The following CNTNAP4 variants were observed in gnomAD, a reference collection of about 807,000 sequenced individuals.
CNTNAP4 encodes contactin associated protein family member 4, also known as contactin-associated protein-like 4.
Under a neutral mutation model 148.4 loss-of-function variants are expected in CNTNAP4, and 98 were observed. The observed-to-expected ratio is 0.66, with a 90% CI of 0.56 to 0.78. CNTNAP4 has a LOEUF of 0.78. Among genes scored for constraint, CNTNAP4 ranks in the 30% least tolerant of loss-of-function variants. The pLI is 0.00. For missense variants in CNTNAP4, 1,935 were observed against 1,565.6 expected, an observed-to-expected ratio of 1.24 and a Z score of -3.98; for synonymous variants, 730 against 565.1, an observed-to-expected ratio of 1.29 and a Z score of -4.14.
chr16:76,515,976 C>G (rs2083232671), intron 15 of CNTNAP4, among the ~76,000 whole-genome samples: 1 of 152,104 alleles, frequency 6.6e-6, no homozygotes, highest in Admixed American at 6.5e-5. Context: ...GCAGAATGTG[C>G]AGATTTGTCA....
At chr16:76,392,708 G>A (rs188310953) in intron 3 of CNTNAP4, among the ~76,000 whole-genome samples, 21 of 152,196 alleles carry the variant, frequency 1.4e-4, no homozygotes, top group Non-Finnish European at 2.6e-4. Context: ...TTCTTGGAGT[G>A]TTGAGTCTTT....
intron 4 of CNTNAP4, among the ~76,000 whole-genome samples, chr16:76,444,666 G>T (rs1276285011): frequency 2.0e-5 from 3 of 151,994 alleles, no homozygotes; most frequent in Admixed American, 2.0e-4. Context: ...TATCAAATGG[G>T]TGCAAATAAC....
intron 3 of CNTNAP4, among the ~76,000 whole-genome samples, chr16:76,399,652 T>C (rs1388100979): frequency 6.6e-6 from 1 of 152,194 alleles, no homozygotes; most frequent in African/African-American, 2.4e-5. Context: ...GCATTTCCTT[T>C]TTCGTTTATA....
At chr16:76,492,671 T>G (rs1166310655) in intron 13 of CNTNAP4, among the ~76,000 whole-genome samples, 1 of 152,212 alleles carries the variant, frequency 6.6e-6, no homozygotes, top group Non-Finnish European at 1.5e-5. Flanking sequence ...TGGCAGTGAA[T>G]AAGTCTCATG....
intron 4 of CNTNAP4, among the ~76,000 whole-genome samples, chr16:76,438,354 G>C (rs2079911644): frequency 1.3e-5 from 2 of 152,038 alleles, no homozygotes; most frequent in South Asian, 2.1e-4. Context: ...GGCTGGAAGG[G>C]GACCACCTTT....
chr16:76,433,142 C>G (rs952277690), intron 4 of CNTNAP4, among the ~76,000 whole-genome samples: 1 of 152,032 alleles, frequency 6.6e-6, no homozygotes, highest in African/African-American at 2.4e-5. Flanking sequence ...ACCAGACATT[C>G]TTTTTTTGTT....
At chr16:76,384,976 C>T (rs377182037) in intron 3 of CNTNAP4, among the ~76,000 whole-genome samples, 16 of 152,102 alleles carry the variant, frequency 1.1e-4, no homozygotes, top group African/African-American at 3.1e-4. Context: ...AGCATTCAAC[C>T]GGTTGCAACA....
At chr16:76,478,157 A>T (rs925109876) in intron 11 of CNTNAP4, among the ~76,000 whole-genome samples, 4 of 152,184 alleles carry the variant, frequency 2.6e-5, no homozygotes, top group African/African-American at 9.7e-5. Context: ...TGTTATAAAA[A>T]GTCAAGCCAT....
chr16:76,463,651 C>T (rs1181460296), intron 9 of CNTNAP4, among the ~76,000 whole-genome samples: 2 of 152,044 alleles, frequency 1.3e-5, no homozygotes, highest in African/African-American at 4.8e-5. Flanking sequence ...TCACACCTTA[C>T]ATAATATACA....
chr16:76,471,154 C>A (rs1016091377), intron 10 of CNTNAP4, among the ~76,000 whole-genome samples: 6 of 151,966 alleles, frequency 3.9e-5, no homozygotes, highest in African/African-American at 1.4e-4. Context: ...TCCCCTTGTC[C>A]TCTGTGGACA....
At chr16:76,542,305 A>G (rs1375619551) in intron 21 of CNTNAP4, among the ~76,000 whole-genome samples, 1 of 152,216 alleles carries the variant, frequency 6.6e-6, no homozygotes, top group Non-Finnish European at 1.5e-5. Context: ...GTATGTAACT[A>G]TCTAGCTCTG....
At chr16:76,409,736 G>C (rs2078725322) in intron 3 of CNTNAP4, among the ~76,000 whole-genome samples, 1 of 151,890 alleles carries the variant, frequency 6.6e-6, no homozygotes, top group Non-Finnish European at 1.5e-5. Context: ...TTCCCAAATG[G>C]AATTGTCACT....
intron 3 of CNTNAP4, among the ~76,000 whole-genome samples, chr16:76,409,187 A>G (rs1445073513): frequency 6.6e-6 from 1 of 151,940 alleles, no homozygotes; most frequent in Non-Finnish European, 1.5e-5. Flanking sequence ...CAGAATACTA[A>G]AGAATTCCCC....
At chr16:76,533,455 G>C (rs953856302) in intron 17 of CNTNAP4, among the ~76,000 whole-genome samples, 11 of 152,128 alleles carry the variant, frequency 7.2e-5, no homozygotes, top group Admixed American at 5.2e-4. Context: ...ATAATATGTA[G>C]TTTCAAATAA....
chr16:76,550,650 T>G (rs1174391228), intron 21 of CNTNAP4, among the ~76,000 whole-genome samples: 1 of 146,452 alleles, frequency 6.8e-6, no homozygotes, highest in Non-Finnish European at 1.5e-5. Context: ...ATTTTTATTT[T>G]CTTTTTAATT....
chr16:76,301,779 G>T (rs1158758257), intron 1 of CNTNAP4, among the ~76,000 whole-genome samples: 1 of 152,168 alleles, frequency 6.6e-6, no homozygotes, highest in African/African-American at 2.4e-5. Context: ...GAGGCTTAGG[G>T]ATGTTTATGG....
At chr16:76,522,604 T>TATTTC (rs2083500669) in intron 17 of CNTNAP4, among the ~76,000 whole-genome samples, 4 of 143,740 alleles carry the variant, frequency 2.8e-5, no homozygotes, top group Non-Finnish European at 4.5e-5. Context: ...CTCTTTCTTT[T>TATTTC]CTTTATTTCC....
At chr16:76,538,032 G>T (rs2084285176) in intron 18 of CNTNAP4, 84 bp from the exon 19 acceptor site, 2 of 581,206 alleles carry the variant, frequency 3.4e-6, no homozygotes, top group Non-Finnish European at 5.2e-6. Context: ...ATTCATTAAA[G>T]AAACTAAAAT....
intron 2 of CNTNAP4, among the ~76,000 whole-genome samples, chr16:76,333,396 G>T (rs1426495459): frequency 5.3e-5 from 8 of 152,082 alleles, no homozygotes; most frequent in Admixed American, 4.6e-4. Context: ...ATTCATTTCA[G>T]TTGTTGTACT....
Sources: allele counts gnomAD v4.1 joint callset (sites outside exome capture counted in the v4.1 genomes callset), GRCh38; gene constraint gnomAD v4.1.1; transcripts MANE v1.5; gene names NCBI Gene and HGNC (gene_info 2026-07-23, HGNC 2026-07-21).